The following SEC22C variants were observed in gnomAD, a reference collection of about 807,000 sequenced individuals.
SEC22C encodes vesicle-trafficking protein SEC22c.
A neutral mutation model predicts 34.7 loss-of-function variants in SEC22C; 29 were observed. The observed-to-expected ratio is 0.84, with a 90% CI of 0.62 to 1.14. SEC22C has a LOEUF of 1.14. Ranked by LOEUF, SEC22C falls within the 50% of genes most tolerant of loss-of-function variation. The pLI is 0.00. For synonymous variants in SEC22C, 117 were observed against 132.8 expected (o/e 0.88, Z 0.82); for missense variants, 337 against 369.0 (o/e 0.91, Z 0.71).
intron 1 of SEC22C, among the ~76,000 whole-genome samples, chr3:42,575,610 T>C (rs1703912209): frequency 1.3e-5 from 2 of 152,082 alleles, no homozygotes; most frequent in South Asian, 4.1e-4. Context: ...ACTTCAAAGA[T>C]GTAAATAAGT....
Position 42,551,173 on chromosome 3 carries a change from C to T in SEC22C, c.*2075G>A. The T allele has an allele frequency of 1.0e-6, 1 of 985,362 alleles. No individual in the cohort carries two copies. Among genetic ancestry groups the T allele is most frequent in the South Asian group, 4.7e-5 (1 of 21,280 alleles). The allele number at this position is 985,362 out of a possible 1,614,324, so 61.0% of individuals were successfully genotyped here. On this transcript the variant is annotated 3_prime_UTR_variant, in exon 7 of 7. Coordinates refer to ENST00000264454, the MANE Select transcript of SEC22C (RefSeq NM_032970.4). ...GCTTTTTTGTTCTTCTCATTTAAAACATTTTACCTCCCCTCCTTAACTTCC... is the reference window on the plus strand; with the variant it reads ...GCTTTTTTGTTCTTCTCATTTAAAATATTTTACCTCCCCTCCTTAACTTCC...
chr3:42,585,078 G>A (rs555004783), upstream of SEC22C, among the ~76,000 whole-genome samples: 81 of 152,234 alleles, frequency 5.3e-4, no homozygotes, highest in Middle Eastern at 6.8e-3. Flanking sequence ...GCAGTAAGCC[G>A]AGATCGCACC....
chr3:42,553,579 T>C, intron 6 of SEC22C, 131 bp from the exon 7 acceptor site: 2 of 1,351,674 alleles, frequency 1.5e-6, no homozygotes, highest in Non-Finnish European at 2.0e-6. Flanking sequence ...CTGAATTCAT[T>C]ACAGTAAAGC....
At chr3:42,566,612 G>A in intron 2 of SEC22C, 1 of 159,250 alleles carries the variant, frequency 6.3e-6, no homozygotes, top group Non-Finnish European at 1.4e-5. Context: ...CCAAGAGGCA[G>A]AGCTTGCAGT....
chr3:42,597,499 T>C (rs1705061974), intron 1 of SEC22C, among the ~76,000 whole-genome samples: 1 of 149,620 alleles, frequency 6.7e-6, no homozygotes, highest in Non-Finnish European at 1.5e-5. Context: ...GAGGTTGCAG[T>C]GAGCCAAGAT....
Position 42,550,539 on chromosome 3 carries a change from G to C in SEC22C, c.*2709C>G, listed in dbSNP as rs115414755. 4 of 985,374 alleles carry C rather than the reference G, an allele frequency of 4.1e-6. No homozygotes were observed. In the Admixed American group the frequency reaches 2.5e-4, roughly 61 times the overall value. 61.0% of individuals were successfully genotyped at this position (985,374 alleles called of 1,614,324 possible). On this transcript the variant is annotated 3_prime_UTR_variant, in exon 7 of 7. Transcript: ENST00000264454. ...AGCTGAGGATTCTTTTAGCTAGCTG[G>C]ATTTCAGTCAAACAATGTTTTTGTG...
Position 42,548,223 on chromosome 3 carries a change from C to A in SEC22C, c.*5025G>T, listed in dbSNP as rs1052331741. 4.2e-4 allele frequency: 77 copies of A among 182,442 alleles called. No homozygotes were observed. Among genetic ancestry groups the A allele is most frequent in the African/African-American group, 1.8e-3 (76 of 42,800 alleles). The allele number at this position is 182,442 out of a possible 1,614,324, so 11.3% of individuals were successfully genotyped here. A position where few individuals can be genotyped will look rare whatever the true frequency, so the allele number is the denominator to read the frequency against. On this transcript the variant is annotated 3_prime_UTR_variant, in exon 7 of 7. Transcript: ENST00000264454. ...AATGGTTTTGCCCTGACTAAATCAG[C>A]CTCAGTATTTTATGCTTTTAGTAGA... is the stretch of plus-strand genomic sequence containing the variant.
In SEC22C at chr3:42,551,084, G is replaced by A. The variant is rs746486967; in HGVS notation, c.*2164C>T. ...GGGTTTCACCATGTTAGCCAGGATG[G>A]TCTCGATCTCTTGACCTCGTGATCT... On this transcript the variant is annotated 3_prime_UTR_variant, in exon 7 of 7. Transcript: ENST00000264454. 1.4e-4 allele frequency: 132 copies of A among 963,428 alleles called. 1 individual carries two copies. Among genetic ancestry groups the A allele is most frequent in the South Asian group, 7.7e-4 (16 of 20,866 alleles). 59.7% of individuals were successfully genotyped at this position (963,428 alleles called of 1,614,324 possible). A position where few individuals can be genotyped will look rare whatever the true frequency, so the allele number is the denominator to read the frequency against.
intron 4 of SEC22C, among the ~76,000 whole-genome samples, chr3:42,560,641 T>A (rs948155335): frequency 7.9e-5 from 12 of 152,124 alleles, no homozygotes; most frequent in Admixed American, 1.3e-4. Flanking sequence ...TAATAGTCAA[T>A]TTTTTTCTTT....
chr3:42,566,732 G>A, intron 2 of SEC22C: 1 of 279,058 alleles, frequency 3.6e-6, no homozygotes, highest in Non-Finnish European at 7.5e-6. Flanking sequence ...TGCAAGGCAA[G>A]GTGGCTCATA....
chr3:42,598,262 C>T (rs1046207005), intron 1 of SEC22C, among the ~76,000 whole-genome samples: 2 of 151,516 alleles, frequency 1.3e-5, no homozygotes, highest in South Asian at 4.2e-4. Flanking sequence ...GAAATTCTGA[C>T]ATGCTACAAC....
chr3:42,563,348 C>T (rs754076726), intron 3 of SEC22C, among the ~76,000 whole-genome samples, 175 bp downstream of exon 3: 1 of 152,242 alleles, frequency 6.6e-6, no homozygotes, highest in African/African-American at 2.4e-5. Context: ...TAAACCTTGA[C>T]GCTTTCCGGG....
chr3:42,558,669 G>C (rs756464880), intron 4 of SEC22C, among the ~76,000 whole-genome samples: 5 of 151,962 alleles, frequency 3.3e-5, no homozygotes, highest in Non-Finnish European at 5.9e-5. Flanking sequence ...GTATGTGCCT[G>C]TAGTCCCCGC....
Position 42,548,679 on chromosome 3 carries a change from T to C in SEC22C, c.*4569A>G, listed in dbSNP as rs762019789. On this transcript the variant is annotated 3_prime_UTR_variant, in exon 7 of 7. Coordinates refer to ENST00000264454, the MANE Select transcript of SEC22C (RefSeq NM_032970.4). ...GATCCTGGAATAAACCAAACATCAA[T>C]GGTACCATGCGCTCTGTGCCCAGGG... 1.9e-6 allele frequency: 3 copies of C among 1,614,044 alleles called. No individual in the cohort carries two copies. The highest frequency in any genetic ancestry group is 2.5e-6 in the Non-Finnish European group (3 of 1,180,020).
intron 1 of SEC22C, among the ~76,000 whole-genome samples, chr3:42,570,760 T>C (rs907925816): frequency 2.0e-5 from 3 of 152,170 alleles, no homozygotes; most frequent in African/African-American, 7.2e-5. Context: ...TGTTCTATCT[T>C]CTATACTTTC....
In SEC22C at chr3:42,564,156, T is replaced by C; in HGVS notation, c.183-470A>G. On this transcript the variant is annotated intron_variant, in intron 2 of 6. Transcript: ENST00000264454. ...ATTGGGACTTTTGTGTCTATGCAAA[T>C]AAGACTGGCCTATAATTTTCCTTTC... 1.2e-5 allele frequency: 4 copies of C among 320,636 alleles called. 1 individual carries two copies. The highest frequency in any genetic ancestry group is 1.1e-4 in the South Asian group (4 of 35,728). 19.9% of individuals were successfully genotyped at this position (320,636 alleles called of 1,614,324 possible).
At chr3:42,566,905 C>T (rs1703282392) in intron 2 of SEC22C, 1 of 265,752 alleles carries the variant, frequency 3.8e-6, no homozygotes, top group Non-Finnish European at 8.1e-6. Flanking sequence ...GGCTATCTAT[C>T]AATCAATCAA....
upstream of SEC22C, among the ~76,000 whole-genome samples, chr3:42,586,629 T>C (rs1344091668): frequency 2.0e-5 from 3 of 151,026 alleles, no homozygotes; most frequent in Non-Finnish European, 4.4e-5. Flanking sequence ...CTGGTTTTCC[T>C]CTTCCTATAT....
intron 1 of SEC22C, among the ~76,000 whole-genome samples, chr3:42,593,879 C>G (rs946623678): frequency 6.6e-6 from 1 of 152,094 alleles, no homozygotes; most frequent in Non-Finnish European, 1.5e-5. Flanking sequence ...GAGAAAGCAT[C>G]AGGTGGAAAA....
Sources: allele counts gnomAD v4.1 joint callset (sites outside exome capture counted in the v4.1 genomes callset), GRCh38; gene constraint gnomAD v4.1.1; transcripts MANE v1.5; gene names NCBI Gene and HGNC (gene_info 2026-07-23, HGNC 2026-07-21).